RIT2: variants seen among roughly 807,000 people sequenced by gnomAD.
RIT2 encodes the protein Ras like without CAAX 2, also known as GTP-binding protein Rit2.
A neutral mutation model predicts 23.7 loss-of-function variants in RIT2; 24 were observed. The ratio of observed to expected loss-of-function variants is 1.01; its 90% confidence interval spans 0.73 to 1.43. The LOEUF (loss-of-function observed/expected upper bound fraction) is 1.43, where lower values mean the gene tolerates loss of function less well. RIT2 is among the 40% of genes most tolerant of loss of function. RIT2 has a pLI of 0.00. For synonymous variants in RIT2, 107 were observed against 91.1 expected (o/e 1.17, Z -0.99); for missense variants, 236 against 266.9 (o/e 0.88, Z 0.81).
At chr18:42,909,723 C>G (rs935702410) in intron 4 of RIT2, among the ~76,000 whole-genome samples, 2 of 151,766 alleles carry the variant, frequency 1.3e-5, no homozygotes, top group East Asian at 3.9e-4. Context: ...AATCAAATCA[C>G]CCTAATACAA....
intron 4 of RIT2, among the ~76,000 whole-genome samples, chr18:42,821,177 G>C (rs1011172679): frequency 6.6e-6 from 1 of 151,974 alleles, no homozygotes; most frequent in African/African-American, 2.4e-5. Context: ...TTCTTTTATA[G>C]CAATGAAAAA....
intron 4 of RIT2, among the ~76,000 whole-genome samples, chr18:42,806,074 A>G (rs1180750864): frequency 2.1e-5 from 3 of 146,266 alleles, no homozygotes; most frequent in African/African-American, 5.0e-5. Context: ...GAGATAGGTA[A>G]TCAAAAGTGG....
At chr18:42,948,535 T>C (rs1367357842) in intron 3 of RIT2, among the ~76,000 whole-genome samples, 3 of 152,056 alleles carry the variant, frequency 2.0e-5, no homozygotes, top group Middle Eastern at 3.2e-3. Context: ...GGACATAAAA[T>C]ACAAGTTTGG....
intron 4 of RIT2, among the ~76,000 whole-genome samples, chr18:42,871,066 T>C (rs1386327039): frequency 6.6e-6 from 1 of 152,178 alleles, no homozygotes; most frequent in Non-Finnish European, 1.5e-5. Context: ...CATCGTGCAC[T>C]GGGCCACTCT....
At chr18:42,926,124 A>C (rs1009449462) in intron 3 of RIT2, among the ~76,000 whole-genome samples, 1 of 151,828 alleles carries the variant, frequency 6.6e-6, no homozygotes, top group Non-Finnish European at 1.5e-5. Flanking sequence ...TAGACCAAAA[A>C]GAACATACAT....
chr18:42,759,436 T>C (rs1244539053), intron 4 of RIT2, among the ~76,000 whole-genome samples: 3 of 152,116 alleles, frequency 2.0e-5, no homozygotes, highest in Non-Finnish European at 4.4e-5. Flanking sequence ...TTCTTCAATA[T>C]TGGAATTGGC....
chr18:42,896,165 G>A (rs1908324054), intron 4 of RIT2, among the ~76,000 whole-genome samples: 1 of 152,218 alleles, frequency 6.6e-6, no homozygotes, highest in South Asian at 2.1e-4. Flanking sequence ...TGGGGAGGCT[G>A]AGGCAAGAGA....
intron 3 of RIT2, among the ~76,000 whole-genome samples, chr18:42,947,912 TC>T (rs1909764419): frequency 6.6e-6 from 1 of 152,130 alleles, no homozygotes; most frequent in African/African-American, 2.4e-5. Context: ...ATATATTTTA[TC>T]CTTTACCTAA....
intron 1 of RIT2, among the ~76,000 whole-genome samples, chr18:43,092,268 T>G (rs2144361873): frequency 6.6e-6 from 1 of 152,218 alleles, no homozygotes; most frequent in Admixed American, 6.6e-5. Flanking sequence ...AAAGAGAGGC[T>G]TATGGAGTTA....
intron 4 of RIT2, among the ~76,000 whole-genome samples, chr18:42,912,127 T>C (rs1178652991): frequency 1.3e-5 from 2 of 151,716 alleles, no homozygotes; most frequent in African/African-American, 4.8e-5. Context: ...GTGAGACTAA[T>C]TAAATATTCA....
intron 1 of RIT2, among the ~76,000 whole-genome samples, chr18:43,092,390 G>C (rs1913443624): frequency 6.6e-6 from 1 of 152,070 alleles, no homozygotes. Context: ...TACGAGGTTT[G>C]AATATCTTAA....
chr18:42,883,134 G>A (rs888095117), intron 4 of RIT2, among the ~76,000 whole-genome samples: 4 of 151,940 alleles, frequency 2.6e-5, no homozygotes, highest in Admixed American at 6.6e-5. Context: ...GTGTGTGCAC[G>A]AGAGTGTGTG....
chr18:43,113,570 A>C (rs1914001047), intron 1 of RIT2, among the ~76,000 whole-genome samples: 1 of 152,200 alleles, frequency 6.6e-6, no homozygotes, highest in African/African-American at 2.4e-5. Flanking sequence ...ATCTGTCAGC[A>C]CAAATAATAC....
chr18:42,964,076 A>C (rs1910155115), intron 3 of RIT2, among the ~76,000 whole-genome samples: 1 of 152,052 alleles, frequency 6.6e-6, no homozygotes, highest in Non-Finnish European at 1.5e-5. Context: ...CTGTAATTTC[A>C]GCTACTTGGG....
At chr18:42,826,010 T>C (rs1184980030) in intron 4 of RIT2, among the ~76,000 whole-genome samples, 1 of 152,064 alleles carries the variant, frequency 6.6e-6, no homozygotes, top group African/African-American at 2.4e-5. Flanking sequence ...TCTTTGTAAA[T>C]TAATTTCTCC....
intron 2 of RIT2, among the ~76,000 whole-genome samples, chr18:42,991,833 T>A (rs1179094175): frequency 2.0e-5 from 3 of 151,938 alleles, no homozygotes; most frequent in Non-Finnish European, 4.4e-5. Context: ...TCTTATAAAA[T>A]GGCCCCACCC....
chr18:43,014,372 C>T (rs1253417250), intron 2 of RIT2, among the ~76,000 whole-genome samples: 1 of 151,706 alleles, frequency 6.6e-6, no homozygotes, highest in Admixed American at 6.6e-5. Flanking sequence ...GGCTTAAAAA[C>T]TTGACAGGGC....
intron 4 of RIT2, among the ~76,000 whole-genome samples, chr18:42,836,002 T>C (rs1023099361): frequency 1.3e-5 from 2 of 152,176 alleles, no homozygotes; most frequent in Admixed American, 1.3e-4. Context: ...AATGAGGTAA[T>C]CTTTAAGTTT....
intron 4 of RIT2, among the ~76,000 whole-genome samples, chr18:42,873,398 G>A (rs1907668124): frequency 6.6e-6 from 1 of 152,074 alleles, no homozygotes; most frequent in Non-Finnish European, 1.5e-5. Context: ...GTAGAAAAAT[G>A]CTGATCACAT....
Sources: gnomAD v4.1 joint callset for allele counts (sites outside exome capture counted in the v4.1 genomes callset) on GRCh38, gnomAD v4.1.1 for gene constraint, MANE v1.5 for transcripts, NCBI Gene and HGNC (gene_info 2026-07-23, HGNC 2026-07-21) for gene names.